KCNIP4: variants seen among roughly 807,000 people sequenced by gnomAD.
KCNIP4 encodes the protein potassium voltage-gated channel interacting protein 4.
KCNIP4 carries 12 observed loss-of-function variants against 34.0 expected under a neutral mutation model. The observed-to-expected ratio is 0.35, with a 90% CI of 0.23 to 0.57. KCNIP4 has a LOEUF of 0.57. Ranked by LOEUF, KCNIP4 falls within the 20% of genes least tolerant of loss-of-function variation. The pLI, the probability that KCNIP4 is intolerant of heterozygous loss-of-function variation, is 0.83. For synonymous variants in KCNIP4, 124 were observed against 102.2 expected (o/e 1.21, Z -1.29); for missense variants, 238 against 311.7 (o/e 0.76, Z 1.78).
intron 1 of KCNIP4, among the ~76,000 whole-genome samples, chr4:21,871,923 C>T (rs1725845373): frequency 6.6e-6 from 1 of 151,822 alleles, no homozygotes; most frequent in Non-Finnish European, 1.5e-5. Flanking sequence ...TCCCCTGCTG[C>T]AAAACCACAC....
At chr4:20,900,320 G>C (rs1487580801) in intron 1 of KCNIP4, among the ~76,000 whole-genome samples, 1 of 152,160 alleles carries the variant, frequency 6.6e-6, no homozygotes, top group African/African-American at 2.4e-5. Flanking sequence ...AATGAAACCC[G>C]GGGATGATCA....
chr4:20,740,280 G>T (rs961926614), intron 5 of KCNIP4, among the ~76,000 whole-genome samples: 1 of 152,052 alleles, frequency 6.6e-6, no homozygotes, highest in African/African-American at 2.4e-5. Flanking sequence ...CACATAAATT[G>T]TCAGATTCAC....
At chr4:21,854,589 C>T (rs2084043175) in intron 1 of KCNIP4, among the ~76,000 whole-genome samples, 1 of 152,098 alleles carries the variant, frequency 6.6e-6, no homozygotes, top group African/African-American at 2.4e-5. Flanking sequence ...CTCTGTCTAC[C>T]AGACTTTGAT....
At chr4:20,779,250 G>A (rs934172283) in intron 3 of KCNIP4, among the ~76,000 whole-genome samples, 1 of 152,056 alleles carries the variant, frequency 6.6e-6, no homozygotes, top group Non-Finnish European at 1.5e-5. Context: ...CAGTTCTGTA[G>A]GTACATTTAC....
At chr4:21,093,275 T>A (rs1346576266) in intron 1 of KCNIP4, among the ~76,000 whole-genome samples, 4 of 152,182 alleles carry the variant, frequency 2.6e-5, no homozygotes, top group Non-Finnish European at 5.9e-5. Flanking sequence ...GGCACCAAAT[T>A]TGCAGGAAAA....
At chr4:21,276,385 A>G (rs1578006220) in intron 1 of KCNIP4, among the ~76,000 whole-genome samples, 1 of 134,310 alleles carries the variant, frequency 7.4e-6, no homozygotes, top group Admixed American at 8.1e-5. Flanking sequence ...TTTTTTGGGT[A>G]GATACAGTGT....
chr4:21,220,047 A>AGGGCCGGGCGCGGTGGCTCACGCCTGT (rs1757871216), intron 1 of KCNIP4, among the ~76,000 whole-genome samples: 1 of 152,190 alleles, frequency 6.6e-6, no homozygotes, highest in African/African-American at 2.4e-5. Context: ...AAGAATAATG[A>AGGGCCGGGCGCGGTGGCTCACGCCTGT]AACACAAAGA....
intron 1 of KCNIP4, among the ~76,000 whole-genome samples, chr4:20,987,266 C>T (rs868216953): frequency 8.5e-5 from 13 of 152,166 alleles, no homozygotes; most frequent in Non-Finnish European, 1.6e-4. Context: ...CTCCAGATCA[C>T]GGCTCAACCA....
intron 1 of KCNIP4, among the ~76,000 whole-genome samples, chr4:21,921,235 T>C (rs1217400926): frequency 1.3e-5 from 2 of 152,134 alleles, no homozygotes; most frequent in African/African-American, 4.8e-5. Context: ...ACTCCTTTGA[T>C]TTTTCTTCTC....
At chr4:20,841,042 C>A (rs901869111) in intron 3 of KCNIP4, among the ~76,000 whole-genome samples, 1 of 152,136 alleles carries the variant, frequency 6.6e-6, no homozygotes, top group African/African-American at 2.4e-5. Context: ...CTTGATAAAA[C>A]AAATAGAAGG....
At chr4:21,169,660 T>TTGCGTGTG (rs769666168) in intron 1 of KCNIP4, among the ~76,000 whole-genome samples, 6,843 of 136,234 alleles carry the variant, frequency 0.05, 278 homozygotes, top group African/African-American at 0.07. Flanking sequence ...TACTTTATAT[T>TTGCGTGTG]TGTGTGTGTG....
intron 1 of KCNIP4, among the ~76,000 whole-genome samples, chr4:21,894,873 C>T (rs1727295345): frequency 6.6e-6 from 1 of 152,154 alleles, no homozygotes; most frequent in Non-Finnish European, 1.5e-5. Context: ...TACCTTAGTA[C>T]TCCATCTCTT....
intron 1 of KCNIP4, among the ~76,000 whole-genome samples, chr4:20,901,215 G>A (rs1230059030): frequency 6.6e-6 from 1 of 152,170 alleles, no homozygotes; most frequent in Non-Finnish European, 1.5e-5. Context: ...GCATGAAAAA[G>A]TTTAGGAAAC....
intron 1 of KCNIP4, among the ~76,000 whole-genome samples, chr4:21,356,998 A>G (rs1464137435): frequency 6.6e-6 from 1 of 151,854 alleles, no homozygotes; most frequent in African/African-American, 2.4e-5. Context: ...AACAGAGCCC[A>G]CAGAAATAAC....
intron 1 of KCNIP4, among the ~76,000 whole-genome samples, chr4:21,467,349 G>A (rs1730075488): frequency 6.6e-6 from 1 of 152,102 alleles, no homozygotes; most frequent in African/African-American, 2.4e-5. Context: ...AATGATACGT[G>A]TTTCCAAGTT....
intron 1 of KCNIP4, among the ~76,000 whole-genome samples, chr4:21,782,928 A>T (rs1190982683): frequency 6.6e-6 from 1 of 152,204 alleles, no homozygotes; most frequent in Non-Finnish European, 1.5e-5. Flanking sequence ...CAAACATTAT[A>T]TGATCCATGT....
chr4:21,808,333 T>C (rs1227115036), intron 1 of KCNIP4, among the ~76,000 whole-genome samples: 1 of 152,088 alleles, frequency 6.6e-6, no homozygotes, highest in Non-Finnish European at 1.5e-5. Flanking sequence ...AATCCTTTCT[T>C]CTCTTCTTCC....
At chr4:21,220,724 A>G (rs1359235312) in intron 1 of KCNIP4, among the ~76,000 whole-genome samples, 1 of 152,158 alleles carries the variant, frequency 6.6e-6, no homozygotes, top group Non-Finnish European at 1.5e-5. Flanking sequence ...AACAGGAATT[A>G]GGTGACATTA....
chr4:21,273,857 A>G (rs961003714), intron 1 of KCNIP4, among the ~76,000 whole-genome samples: 1 of 152,130 alleles, frequency 6.6e-6, no homozygotes, highest in Non-Finnish European at 1.5e-5. Flanking sequence ...GTATGCATGC[A>G]CGTGTGTATG....
Sources: allele counts gnomAD v4.1 joint callset (sites outside exome capture counted in the v4.1 genomes callset), GRCh38; gene constraint gnomAD v4.1.1; transcripts MANE v1.5; gene names NCBI Gene and HGNC (gene_info 2026-07-23, HGNC 2026-07-21).